ADO: variants seen among roughly 807,000 people sequenced by gnomAD.
The protein encoded by ADO is 2-aminoethanethiol (cysteamine) dioxygenase.
Under a neutral mutation model 16.6 loss-of-function variants are expected in ADO, and 9 were observed. The ratio of observed to expected loss-of-function variants is 0.54; its 90% CI spans 0.33 to 0.95. The LOEUF (loss-of-function observed/expected upper bound fraction) is 0.95. Among genes scored for constraint, ADO ranks in the 40% least tolerant of loss-of-function variants. The pLI, the probability that ADO is intolerant of heterozygous loss-of-function variation, is 0.03. For synonymous variants in ADO, 189 were observed against 179.6 expected, an observed-to-expected ratio of 1.05 and a Z score of -0.42; for missense variants, 356 against 386.4, an observed-to-expected ratio of 0.92 and a Z score of 0.66.
rs1365943815 is a variant in ADO, at chr10:62,807,886, A to G, written c.*2014A>G. 1 of 167,212 alleles carries G rather than the reference A, an allele frequency of 6.0e-6. No individual in the cohort carries two copies. Among genetic ancestry groups the G allele is most frequent in the African/African-American group, 2.4e-5 (1 of 41,448 alleles). The allele number at this position is 167,212 out of a possible 1,614,324, so 10.4% of individuals were successfully genotyped here. On this transcript the variant is annotated 3_prime_UTR_variant, in exon 1 of 1. Coordinates refer to ENST00000373783, the MANE Select transcript of ADO (RefSeq NM_032804.6). ...TACTTTTTTGGATTATATTGTAGCAAAAAGTTGATTAGCTTACCAAGATTA... is the reference window on the plus strand; with the variant it reads ...TACTTTTTTGGATTATATTGTAGCAGAAAGTTGATTAGCTTACCAAGATTA...
rs1172818732 is a variant in ADO, at chr10:62,807,238, A to G, written c.*1366A>G. The stretch of plus-strand genomic sequence containing the variant: ...GTATTGACACCATTTGCTTCAGGCC[A>G]TGGAGCACTGTTTCTCCCTTTTTAC... On this transcript the variant is annotated 3_prime_UTR_variant, in exon 1 of 1. Transcript: ENST00000373783. The G allele has an allele frequency of 6.0e-6, 1 of 167,258 alleles. No individual in the cohort carries two copies. The highest frequency in any genetic ancestry group is 2.1e-4 in the South Asian group (1 of 4,834). 10.4% of individuals were successfully genotyped at this position (167,258 alleles called of 1,614,324 possible).
At position 62,806,376 on chromosome 10, in the gene ADO, C is replaced by G. The variant is rs1303395282; in HGVS notation, c.*504C>G. The G allele has an allele frequency of 6.0e-6, 1 of 167,522 alleles. No individual in the cohort carries two copies. Among genetic ancestry groups the G allele is most frequent in the Non-Finnish European group, 1.5e-5 (1 of 68,326 alleles). The allele number at this position is 167,522 out of a possible 1,614,324, so 10.4% of individuals were successfully genotyped here. A position where few individuals can be genotyped will look rare whatever the true frequency, so the allele number is the denominator to read the frequency against. ...TAAAAACTAGGTTTAAGGAGATGAG[C>G]TACTGTTTAAAGTGAGCTGGCCTGC... On this transcript the variant is annotated 3_prime_UTR_variant, in exon 1 of 1. Coordinates refer to ENST00000373783, the MANE Select transcript of ADO (RefSeq NM_032804.6).
rs1391726933 is a variant in ADO, at chr10:62,806,871, A to G, written c.*999A>G. ...TTTTACTGTAAAAGTAGGGAGAAAT[A>G]TTATGTTGATAGTTGTTTCATATTC... is the stretch of plus-strand genomic sequence containing the variant. On this transcript the variant is annotated 3_prime_UTR_variant, in exon 1 of 1. Coordinates refer to ENST00000373783, the MANE Select transcript of ADO (RefSeq NM_032804.6). 1 of 167,262 alleles carries G rather than the reference A, an allele frequency of 6.0e-6. No homozygotes were observed. Among genetic ancestry groups the G allele is most frequent in the Non-Finnish European group, 1.5e-5 (1 of 68,118 alleles). The allele number at this position is 167,262 out of a possible 1,614,324, so 10.4% of individuals were successfully genotyped here. A position where few individuals can be genotyped will look rare whatever the true frequency, so the allele number is the denominator to read the frequency against.
rs1434119329 is a variant in ADO, at chr10:62,805,920, C to T, written c.*48C>T. ...TGGGCCGAAGACGTGCCCTACCCTA[C>T]CACAAGGGCTGTGTCTCTACCCCCT... On this transcript the variant is annotated 3_prime_UTR_variant, in exon 1 of 1. Coordinates refer to ENST00000373783, the MANE Select transcript of ADO (RefSeq NM_032804.6). The surrounding 1 kb of genome is among the most constrained non-coding windows in gnomAD (Gnocchi z 6.4). 2.1e-6 allele frequency: 3 copies of T among 1,417,668 alleles called. No homozygotes were observed. The highest frequency in any genetic ancestry group is 2.8e-6 in the Non-Finnish European group (3 of 1,073,614). The allele number at this position is 1,417,668 out of a possible 1,614,324, so 87.8% of individuals were successfully genotyped here. A position where few individuals can be genotyped will look rare whatever the true frequency, so the allele number is the denominator to read the frequency against.
Position 62,805,685 on chromosome 10 carries a change from C to A in ADO, c.626C>A (p.Ala209Asp). ...CCTGCCGCCTTCCTGGACATCCTGG[C>A]CCCGCCCTACGACCCGGACGATGGC... ...EGPAAFLDIL[A>D]PPYDPDDGRD... The change falls in exon 1 of 1, where the codon GCC (alanine) becomes GAC (aspartate). Residue 209 changes from alanine to aspartate, a missense_variant. Transcript: ENST00000373783. This position sits in a 1 kb window ranked among gnomAD's most constrained non-coding sequence, Gnocchi z 6.4. 6.2e-7 allele frequency: 1 copy of A among 1,610,854 alleles called. No homozygotes were observed. Among genetic ancestry groups the A allele is most frequent in the Non-Finnish European group, 8.5e-7 (1 of 1,179,170 alleles).
At position 62,808,372 on chromosome 10, in the gene ADO, TAAC is replaced by T. The variant is rs972352358; in HGVS notation, c.*2504_*2506del. ...CCGTCCAATATAGATAATGTTTTAA[TAAC>T]AACTGTGGGATAAAAGTTATCTTCC... On this transcript the variant is annotated 3_prime_UTR_variant, in exon 1 of 1. Coordinates refer to ENST00000373783, the MANE Select transcript of ADO (RefSeq NM_032804.6). The T allele has an allele frequency of 4.8e-5, 8 of 167,276 alleles. No homozygotes were observed. Among genetic ancestry groups the T allele is most frequent in the African/African-American group, 1.7e-4 (7 of 41,472 alleles). 10.4% of individuals were successfully genotyped at this position (167,276 alleles called of 1,614,324 possible).
chr10:62,805,723 T>C lies in ADO; in HGVS notation c.664T>C (p.Tyr222His). 1.2e-6 allele frequency: 2 copies of C among 1,611,250 alleles called. No homozygotes were observed. Among genetic ancestry groups the C allele is most frequent in the South Asian group, 2.2e-5 (2 of 90,504 alleles). ...YDPDDGRDCH[Y>H]YRVLEPVRPK... is the part of the protein sequence containing the mutation. ...CCCGGACGATGGCCGGGACTGCCAC[T>C]ATTACCGGGTGCTGGAGCCGGTCAG... The change falls in exon 1 of 1, where the codon TAT becomes CAT. Residue 222 changes from tyrosine (Y) to histidine (H), a missense_variant. Transcript: ENST00000373783. The surrounding 1 kb of genome is among the most constrained non-coding windows in gnomAD (Gnocchi z 6.4).
rs1842068523 is a variant in ADO at position 62,807,855 on chromosome 10, A to G, written c.*1983A>G. The G allele has an allele frequency of 1.2e-5, 2 of 167,204 alleles. No individual in the cohort carries two copies. The highest frequency in any genetic ancestry group is 4.8e-5 in the African/African-American group (2 of 41,450). 10.4% of individuals were successfully genotyped at this position (167,204 alleles called of 1,614,324 possible). On this transcript the variant is annotated 3_prime_UTR_variant, in exon 1 of 1. Transcript: ENST00000373783. ...AGCACAGTAATGAATGTGGTTATCAATCACATACTTTTTTGGATTATATTG... is the reference window on the plus strand; with the variant it reads ...AGCACAGTAATGAATGTGGTTATCAGTCACATACTTTTTTGGATTATATTG...
Position 62,804,822 on chromosome 10 carries a change from T to C in ADO, c.-238T>C, listed in dbSNP as rs542775198. On this transcript the variant is annotated 5_prime_UTR_variant, in exon 1 of 1. An upstream open reading frame in the 5' UTR loses its in-frame stop. Coordinates refer to ENST00000373783, the MANE Select transcript of ADO (RefSeq NM_032804.6). ...GCGGCCGCTATCTGCTCCCGGAGCG[T>C]GAGTGCGGGGTGTGGGGCGTGCGCG... 6 of 277,666 alleles carry C rather than the reference T, an allele frequency of 2.2e-5. No individual in the cohort carries two copies. The highest frequency in any genetic ancestry group is 3.3e-5 in the Non-Finnish European group (5 of 151,674). 17.2% of individuals were successfully genotyped at this position (277,666 alleles called of 1,614,324 possible).
rs1477066124 is a variant in ADO at position 62,804,832 on chromosome 10, G to T, written c.-228G>T. On this transcript the variant is annotated 5_prime_UTR_variant, in exon 1 of 1. Coordinates refer to ENST00000373783, the MANE Select transcript of ADO (RefSeq NM_032804.6). Reference sequence around the variant, plus strand: ...TCTGCTCCCGGAGCGTGAGTGCGGGGTGTGGGGCGTGCGCGTGCGCGCTCA... The same window carrying T: ...TCTGCTCCCGGAGCGTGAGTGCGGGTTGTGGGGCGTGCGCGTGCGCGCTCA... The T allele has an allele frequency of 3.4e-6, 1 of 291,988 alleles. No homozygotes were observed. The highest frequency in any genetic ancestry group is 5.2e-5 in the Admixed American group (1 of 19,168). 18.1% of individuals were successfully genotyped at this position (291,988 alleles called of 1,614,324 possible).
chr10:62,804,962 C>T lies in ADO; in HGVS notation c.-98C>T. 8.4e-7 allele frequency: 1 copy of T among 1,192,592 alleles called. No individual in the cohort carries two copies. Among genetic ancestry groups the T allele is most frequent in the Non-Finnish European group, 1.1e-6 (1 of 936,210 alleles). The allele number at this position is 1,192,592 out of a possible 1,614,324, so 73.9% of individuals were successfully genotyped here. A position where few individuals can be genotyped will look rare whatever the true frequency, so the allele number is the denominator to read the frequency against. On this transcript the variant is annotated 5_prime_UTR_variant, in exon 1 of 1. Transcript: ENST00000373783. The stretch of plus-strand genomic sequence containing the variant: ...GGCCGGTGGTTGCGGGGCCTCCCGC[C>T]TCGACCCGGGCTGGGGGCAGCCGTG...
rs1156782394 is a variant in ADO at position 62,806,481 on chromosome 10, C to A, written c.*609C>A. 1.2e-5 allele frequency: 2 copies of A among 167,238 alleles called. No individual in the cohort carries two copies. The highest frequency in any genetic ancestry group is 4.8e-5 in the African/African-American group (2 of 41,446). 10.4% of individuals were successfully genotyped at this position (167,238 alleles called of 1,614,324 possible). ...ACAACATAACTATGCATGTAGAGGA[C>A]AAGATTTATTTTCTTTCCTCCCTTT... On this transcript the variant is annotated 3_prime_UTR_variant, in exon 1 of 1. Coordinates refer to ENST00000373783, the MANE Select transcript of ADO (RefSeq NM_032804.6).
Position 62,806,917 on chromosome 10 carries a change from C to G in ADO, c.*1045C>G, listed in dbSNP as rs766166376. ...TATTCTCTCAGGAACTTTAATGTTC[C>G]CGACTCGGGTGATTCCAGCTGTGTT... On this transcript the variant is annotated 3_prime_UTR_variant, in exon 1 of 1. Transcript: ENST00000373783. The G allele has an allele frequency of 4.2e-5, 7 of 167,176 alleles. No homozygotes were observed. The highest frequency in any genetic ancestry group is 8.8e-5 in the Non-Finnish European group (6 of 68,120). 10.4% of individuals were successfully genotyped at this position (167,176 alleles called of 1,614,324 possible).
In ADO at chr10:62,805,156, C is replaced by A; in HGVS notation, c.97C>A (p.Arg33Ser). 2 of 1,587,526 alleles carry A rather than the reference C, an allele frequency of 1.3e-6. No homozygotes were observed. Among genetic ancestry groups the A allele is most frequent in the African/African-American group, 1.4e-5 (1 of 73,272 alleles). The change falls in exon 1 of 1, where the codon CGC (arginine) becomes AGC (serine). Residue 33 changes from arginine (R) to serine (S), a missense_variant. Coordinates refer to ENST00000373783, the MANE Select transcript of ADO (RefSeq NM_032804.6). This position sits in a 1 kb window ranked among gnomAD's most constrained non-coding sequence, Gnocchi z 6.4. Reference protein sequence around the residue: ...GSGGGRGASDRDAASGPEAPM... With the variant: ...GSGGGRGASDSDAASGPEAPM... ...CGGGGGCGGCCGCGGCGCTTCCGATCGCGACGCGGCTTCTGGCCCGGAGGC... is the reference window on the plus strand; with the variant it reads ...CGGGGGCGGCCGCGGCGCTTCCGATAGCGACGCGGCTTCTGGCCCGGAGGC...
Position 62,805,134 on chromosome 10 carries a change from G to C in ADO, c.75G>C (p.Gly25=). The C allele has an allele frequency of 1.9e-6, 3 of 1,566,032 alleles. No homozygotes were observed. Among genetic ancestry groups the C allele is most frequent in the Non-Finnish European group, 2.6e-6 (3 of 1,162,368 alleles). Reference sequence around the variant, plus strand: ...CTTGCCTCACCTTCCGGGGCAGCGGGGGCGGCCGCGGCGCTTCCGATCGCG... The same window carrying C: ...CTTGCCTCACCTTCCGGGGCAGCGGCGGCGGCCGCGGCGCTTCCGATCGCG... ...RQACLTFRGS[G]GGRGASDRDA... The change falls in exon 1 of 1, where the codon GGG becomes GGC. Residue 25 remains glycine, a synonymous_variant. Coordinates refer to ENST00000373783, the MANE Select transcript of ADO (RefSeq NM_032804.6). The surrounding 1 kb of genome is among the most constrained non-coding windows in gnomAD (Gnocchi z 6.4).
At position 62,806,182 on chromosome 10, in the gene ADO, C is replaced by A. The variant is rs1158389733; in HGVS notation, c.*310C>A. ...ATAATGAAAATATCTTCCTCTCTTCCCCATTCTATACAAAATACTAAGTGG... is the reference window on the plus strand; with the variant it reads ...ATAATGAAAATATCTTCCTCTCTTCACCATTCTATACAAAATACTAAGTGG... On this transcript the variant is annotated 3_prime_UTR_variant, in exon 1 of 1. Transcript: ENST00000373783. The A allele has an allele frequency of 6.5e-6, 2 of 309,812 alleles. No individual in the cohort carries two copies. Among genetic ancestry groups the A allele is most frequent in the Non-Finnish European group, 1.2e-5 (2 of 161,040 alleles). The allele number at this position is 309,812 out of a possible 1,614,324, so 19.2% of individuals were successfully genotyped here.
chr10:62,805,246 G>A lies in ADO; in HGVS notation c.187G>A (p.Ala63Thr), dbSNP rs779233980. The A allele has an allele frequency of 5.6e-6, 9 of 1,603,152 alleles. No homozygotes were observed. The highest frequency in any genetic ancestry group is 3.4e-5 in the Admixed American group (2 of 59,544). The change falls in exon 1 of 1, where the codon GCC becomes ACC. Residue 63 changes from alanine to threonine, a missense_variant. Transcript: ENST00000373783. This position sits in a 1 kb window ranked among gnomAD's most constrained non-coding sequence, Gnocchi z 6.4. ...KLKSLLTQLR[A>T]EDLNIAPRKA... ...GAAGAGCCTCCTGACCCAGCTCCGCGCCGAGGACTTGAACATCGCCCCGCG... is the reference window on the plus strand; with the variant it reads ...GAAGAGCCTCCTGACCCAGCTCCGCACCGAGGACTTGAACATCGCCCCGCG...
Position 62,805,141 on chromosome 10 carries a change from C to A in ADO, c.82C>A (p.Arg28Ser). The A allele has an allele frequency of 6.4e-7, 1 of 1,573,586 alleles. No individual in the cohort carries two copies. Among genetic ancestry groups the A allele is most frequent in the South Asian group, 1.2e-5 (1 of 86,700 alleles). ...CACCTTCCGGGGCAGCGGGGGCGGC[C>A]GCGGCGCTTCCGATCGCGACGCGGC... ...CLTFRGSGGG[R>S]GASDRDAASG... The change falls in exon 1 of 1, where the codon CGC becomes AGC. Residue 28 changes from arginine to serine, a missense_variant. By Grantham distance (110) the Arg-to-Ser change is moderately radical. Transcript: ENST00000373783. The surrounding 1 kb of genome is among the most constrained non-coding windows in gnomAD (Gnocchi z 6.4).
chr10:62,805,758 G>T lies in ADO; in HGVS notation c.699G>T (p.Glu233Asp), dbSNP rs1236292810. Residue 233 changes from glutamate (E) to aspartate (D), a missense_variant, in exon 1 of 1, where the codon GAG becomes GAT. Coordinates refer to ENST00000373783, the MANE Select transcript of ADO (RefSeq NM_032804.6). The surrounding 1 kb of genome is among the most constrained non-coding windows in gnomAD (Gnocchi z 6.4). ...TGCTGGAGCCGGTCAGGCCCAAGGA[G>T]GCCTCCAGCTCGGCCTGTGACCTGC... is the stretch of plus-strand genomic sequence containing the variant. ...YRVLEPVRPK[E>D]ASSSACDLPR... The T allele has an allele frequency of 1.4e-5, 23 of 1,606,852 alleles. No individual in the cohort carries two copies. The highest frequency in any genetic ancestry group is 2.0e-5 in the Non-Finnish European group (23 of 1,177,350).
Sources: allele counts gnomAD v4.1 joint callset, GRCh38; gene constraint gnomAD v4.1.1; non-coding constraint Gnocchi (gnomAD v3.1); transcripts MANE v1.5; gene names NCBI Gene and HGNC (gene_info 2026-07-23, HGNC 2026-07-21).